Variants in DISC1 observed in about 807,000 individuals in gnomAD.
DISC1 encodes the protein disrupted in schizophrenia 1 protein.
Under a neutral mutation model 84.5 loss-of-function variants are expected in DISC1, and 57 were observed. That is an observed-to-expected ratio of 0.67 (90% confidence interval 0.55 to 0.84). The LOEUF (loss-of-function observed/expected upper bound fraction) is 0.84, where lower values mean the gene tolerates loss of function less well. Among genes scored for constraint, DISC1 ranks in the 40% least tolerant of loss-of-function variants. The probability of loss-of-function intolerance (pLI) is 0.00; values close to 1 mark genes in which losing one functional copy is unlikely to be tolerated. For synonymous variants in DISC1, 411 were observed against 415.2 expected, an observed-to-expected ratio of 0.99 and a Z score of 0.12; for missense variants, 1,000 against 1,057.8, an observed-to-expected ratio of 0.95 and a Z score of 0.76.
intron 1 of DISC1, among the ~76,000 whole-genome samples, chr1:231,658,568 G>A (rs1241959329): frequency 6.6e-6 from 1 of 152,166 alleles, no homozygotes; most frequent in Non-Finnish European, 1.5e-5. Context: ...TTTTCAAGGG[G>A]AATGCTTCCA....
intron 9 of DISC1, among the ~76,000 whole-genome samples, chr1:231,830,421 A>G (rs940937970): frequency 6.6e-5 from 10 of 152,250 alleles, no homozygotes; most frequent in African/African-American, 2.4e-4. Context: ...GGGAGGACCT[A>G]GGACATCTAA....
chr1:231,725,556 C>T (rs1016025245), intron 3 of DISC1, among the ~76,000 whole-genome samples: 7 of 152,184 alleles, frequency 4.6e-5, no homozygotes, highest in African/African-American at 1.2e-4. Context: ...AACACAGTTC[C>T]GAGAGCCCAT....
At chr1:231,872,013 G>C (rs1026693317) in intron 9 of DISC1, among the ~76,000 whole-genome samples, 1 of 152,148 alleles carries the variant, frequency 6.6e-6, no homozygotes, top group African/African-American at 2.4e-5. Context: ...TTTCTCTTGG[G>C]GACTCTGCCA....
chr1:231,996,573 G>A (rs202032475), intron 10 of DISC1, among the ~76,000 whole-genome samples: 8 of 152,232 alleles, frequency 5.3e-5, no homozygotes, highest in Non-Finnish European at 1.0e-4. Flanking sequence ...TTGGTTATAA[G>A]AGCTGAAACT....
intron 1 of DISC1, chr1:231,670,493 TA>T (rs1195546407): frequency 6.6e-6 from 1 of 152,244 alleles, no homozygotes; most frequent in Non-Finnish European, 1.5e-5. Context: ...GTTCCACCTC[TA>T]AAATTGGTTG....
intron 10 of DISC1, 57 bp from the exon 11 acceptor site, chr1:232,008,728 G>A: frequency 6.6e-7 from 1 of 1,509,402 alleles, no homozygotes; most frequent in East Asian, 2.3e-5. Flanking sequence ...CTATCGACTT[G>A]GTATGATGAA....
At chr1:232,004,811 G>A (rs985265175) in intron 10 of DISC1, among the ~76,000 whole-genome samples, 2 of 151,812 alleles carry the variant, frequency 1.3e-5, no homozygotes, top group African/African-American at 2.4e-5. Flanking sequence ...CCAGTGCATC[G>A]CTCAGAAAAT....
At chr1:231,800,794 G>A (rs1450362141) in intron 8 of DISC1, among the ~76,000 whole-genome samples, 1 of 152,064 alleles carries the variant, frequency 6.6e-6, no homozygotes, top group Non-Finnish European at 1.5e-5. Context: ...GTAGATGGGA[G>A]AGAGACCGTG....
At chr1:232,015,683 G>A (rs1668430811) in intron 11 of DISC1, among the ~76,000 whole-genome samples, 1 of 152,188 alleles carries the variant, frequency 6.6e-6, no homozygotes, top group South Asian at 2.1e-4. Context: ...TTCCTAACTA[G>A]GAGCAGGCAG....
rs115762439 is a variant in DISC1, at chr1:231,901,560, C to T, written c.1982-57268C>T. Among the ~76,000 whole-genome samples the T allele has an allele frequency of 4.8e-3, 732 of 152,210 alleles. 9 individuals are homozygous for T. The highest frequency in any genetic ancestry group is 0.016 in the African/African-American group (668 of 41,526). On this transcript the variant is annotated intron_variant, in intron 9 of 12. Coordinates refer to ENST00000439617, the MANE Select transcript of DISC1 (RefSeq NM_018662.3). ...GATATTGAAGCGTACTGGGAGCATT[C>T]GGCCCATGAAGCTCTGTGCACCTTT... is the stretch of plus-strand genomic sequence containing the variant.
At chr1:231,857,658 T>C (rs1229594052) in intron 9 of DISC1, among the ~76,000 whole-genome samples, 1 of 152,134 alleles carries the variant, frequency 6.6e-6, no homozygotes, top group African/African-American at 2.4e-5. Flanking sequence ...GAAAAAATTG[T>C]TTGTTTGTTT....
chr1:231,676,810 A>G (rs1176226381), intron 1 of DISC1, among the ~76,000 whole-genome samples: 4 of 152,244 alleles, frequency 2.6e-5, no homozygotes, highest in African/African-American at 9.6e-5. Flanking sequence ...TTTAAAGCTC[A>G]TTCTAGAGAA....
chr1:231,755,523 A>G lies in DISC1; in HGVS notation c.1268+5447A>G, dbSNP rs567184161. 5.9e-5 allele frequency among the ~76,000 whole-genome samples: 9 copies of G among 152,226 alleles called. 1 individual carries two copies. In the South Asian group the frequency reaches 1.9e-3, roughly 32 times the overall value. ...TCTCCAGAATTCCAATCCACAATTC[A>G]GTTTTCTATTGAGCATCTCCCTTAT... On this transcript the variant is annotated intron_variant, in intron 4 of 12. Coordinates refer to ENST00000439617, the MANE Select transcript of DISC1 (RefSeq NM_018662.3).
intron 10 of DISC1, among the ~76,000 whole-genome samples, chr1:232,008,414 G>A (rs1667728164): frequency 6.6e-6 from 1 of 152,198 alleles, no homozygotes; most frequent in African/African-American, 2.4e-5. Flanking sequence ...ATGGAGAATG[G>A]ACAGAGAGAG....
Position 231,959,842 on chromosome 1 carries a change from C to A in DISC1, c.2042+954C>A, listed in dbSNP as rs192649733. 4.4e-4 allele frequency among the ~76,000 whole-genome samples: 67 copies of A among 152,296 alleles called. 1 individual carries two copies. In the South Asian group the frequency reaches 9.3e-3, roughly 21 times the overall value. On this transcript the variant is annotated intron_variant, in intron 10 of 12. Coordinates refer to ENST00000439617, the MANE Select transcript of DISC1 (RefSeq NM_018662.3). ...GTGAGCAGAATGAGGAGAGCTTGCA[C>A]CTGGGTCAGATGCTCCGCTCTGAGT...
intron 3 of DISC1, among the ~76,000 whole-genome samples, chr1:231,728,271 G>A (rs2071019064): frequency 6.6e-6 from 1 of 152,150 alleles, no homozygotes; most frequent in East Asian, 1.9e-4. Flanking sequence ...GTTTTTTAAA[G>A]TGTCTAAAGA....
chr1:232,026,598 A>G (rs372667346), intron 12 of DISC1, 46 bp downstream of exon 12: 42 of 1,437,328 alleles, frequency 2.9e-5, no homozygotes, highest in Non-Finnish European at 3.9e-5. Flanking sequence ...GTTATTTTAT[A>G]AAAGAGAGTC....
chr1:231,951,864 G>A (rs1026092377), intron 9 of DISC1, among the ~76,000 whole-genome samples: 2 of 151,626 alleles, frequency 1.3e-5, no homozygotes, highest in Non-Finnish European at 2.9e-5. Flanking sequence ...CCAGGAGTTC[G>A]AGATCAGCCT....
At chr1:231,861,518 A>C (rs2084651029) in intron 9 of DISC1, among the ~76,000 whole-genome samples, 1 of 141,952 alleles carries the variant, frequency 7.0e-6, no homozygotes, top group Non-Finnish European at 1.5e-5. Flanking sequence ...GAAAGGACAT[A>C]CTTGACTGAA....
Sources: allele counts gnomAD v4.1 joint callset (sites outside exome capture counted in the v4.1 genomes callset), GRCh38; gene constraint gnomAD v4.1.1; transcripts MANE v1.5; gene names NCBI Gene and HGNC (gene_info 2026-07-23, HGNC 2026-07-21).